YPEL1: variants seen among roughly 807,000 people sequenced by gnomAD.
The protein encoded by YPEL1 is protein yippee-like 1.
A neutral mutation model predicts 17.3 loss-of-function variants in YPEL1; 7 were observed. The observed-to-expected ratio is 0.40, with a 90% CI of 0.23 to 0.76. The LOEUF (loss-of-function observed/expected upper bound fraction) is 0.76. Among genes scored for constraint, YPEL1 ranks in the 30% least tolerant of loss-of-function variants. The pLI is 0.35. For missense variants in YPEL1, 91 were observed against 155.5 expected (o/e 0.59, Z 2.21); for synonymous variants, 59 against 59.6 (o/e 0.99, Z 0.05).
chr22:21,713,935 G>A (rs937423975), intron 1 of YPEL1, among the ~76,000 whole-genome samples: 1 of 152,130 alleles, frequency 6.6e-6, no homozygotes, highest in Non-Finnish European at 1.5e-5. Context: ...TTTCTTTCAG[G>A]CCAAACAGAA....
At chr22:21,715,905 G>C (rs1601633394) in intron 1 of YPEL1, among the ~76,000 whole-genome samples, 1 of 152,104 alleles carries the variant, frequency 6.6e-6, no homozygotes, top group Non-Finnish European at 1.5e-5. Context: ...TGGGATTACA[G>C]GCATGCGCCA....
At chr22:21,706,755 G>A (rs1340256080) in intron 2 of YPEL1, among the ~76,000 whole-genome samples, 1 of 152,128 alleles carries the variant, frequency 6.6e-6, no homozygotes, top group East Asian at 1.9e-4. Context: ...GCTGAGGCAG[G>A]AGAATCGCTT....
At chr22:21,732,444 A>G (rs2068397020) in intron 1 of YPEL1, among the ~76,000 whole-genome samples, 1 of 152,184 alleles carries the variant, frequency 6.6e-6, no homozygotes, top group South Asian at 2.1e-4. Flanking sequence ...TTCATATTCA[A>G]AACAATTTTG....
intron 1 of YPEL1, among the ~76,000 whole-genome samples, chr22:21,724,814 G>A (rs114420948): frequency 0.01 from 1,547 of 151,868 alleles, 32 homozygotes; most frequent in African/African-American, 0.036. Context: ...CTCCTGGCTC[G>A]GGCCATCCAC....
At chr22:21,704,661 A>G (rs1335909341) in intron 2 of YPEL1, among the ~76,000 whole-genome samples, 28 of 149,822 alleles carry the variant, frequency 1.9e-4, no homozygotes, top group Middle Eastern at 3.5e-3. Flanking sequence ...CCGTCTCGAA[A>G]AAAAAAAAAA....
chr22:21,729,294 G>A lies in YPEL1; in HGVS notation c.-165+6321C>T, dbSNP rs143735077. 1.3e-3 allele frequency among the ~76,000 whole-genome samples: 193 copies of A among 152,058 alleles called. 1 individual carries two copies. Among genetic ancestry groups the A allele is most frequent in the Admixed American group, 3.0e-3 (46 of 15,234 alleles). ...CCACTGCACTCCAGCATTGGTGACA[G>A]AGTACGATCTTATCTCAAAAAAAAA... On this transcript the variant is annotated intron_variant, in intron 1 of 4. Coordinates refer to ENST00000339468, the MANE Select transcript of YPEL1 (RefSeq NM_013313.5).
chr22:21,735,343 G>A (rs1183775303), intron 1 of YPEL1, among the ~76,000 whole-genome samples: 2 of 152,280 alleles, frequency 1.3e-5, no homozygotes, highest in East Asian at 3.9e-4. Context: ...TCACGGCGGG[G>A]CGGGAGAAGA....
intron 4 of YPEL1, among the ~76,000 whole-genome samples, chr22:21,701,893 CA>C (rs1018964670): frequency 6.6e-6 from 1 of 152,052 alleles, no homozygotes; most frequent in Admixed American, 6.6e-5. Flanking sequence ...TTTTCTTCTA[CA>C]AAAATCAAAA....
chr22:21,709,223 G>A (rs966857385), intron 2 of YPEL1, among the ~76,000 whole-genome samples: 14 of 152,078 alleles, frequency 9.2e-5, no homozygotes, highest in Admixed American at 4.6e-4. Flanking sequence ...GAGCAGCTCC[G>A]CCTCTCATTA....
In YPEL1 at chr22:21,720,424, C is replaced by T. The variant is rs369346301; in HGVS notation, c.-164-9516G>A. On this transcript the variant is annotated intron_variant, in intron 1 of 4. Coordinates refer to ENST00000339468, the MANE Select transcript of YPEL1 (RefSeq NM_013313.5). ...CTTTGTTACCCAAGCTGGTCTCAAACGCCTGGGTTCAAGTGATCTAACCGC... is the reference window on the plus strand; with the variant it reads ...CTTTGTTACCCAAGCTGGTCTCAAATGCCTGGGTTCAAGTGATCTAACCGC... Among the ~76,000 whole-genome samples the T allele has an allele frequency of 1.3e-4, 20 of 152,086 alleles. No homozygotes were observed. In the East Asian group the frequency reaches 2.1e-3, roughly 16 times the overall value.
At chr22:21,721,469 G>C (rs2068283052) in intron 1 of YPEL1, among the ~76,000 whole-genome samples, 1 of 151,030 alleles carries the variant, frequency 6.6e-6, no homozygotes, top group Admixed American at 6.6e-5. Flanking sequence ...TGTCACTCAG[G>C]CTGGAGTACA....
chr22:21,725,220 A>T (rs60882578), intron 1 of YPEL1, among the ~76,000 whole-genome samples: 3,870 of 126,288 alleles, frequency 0.031, 156 homozygotes, highest in African/African-American at 0.11. Context: ...TAAAATGGTA[A>T]TTTTTTTTTT....
Position 21,703,999 on chromosome 22 carries a change from G to C in YPEL1, c.118-117C>G, listed in dbSNP as rs770236365. The C allele has an allele frequency of 1.8e-6, 2 of 1,133,000 alleles. No homozygotes were observed. Among genetic ancestry groups the C allele is most frequent in the African/African-American group, 3.1e-5 (2 of 64,866 alleles). 70.2% of individuals were successfully genotyped at this position (1,133,000 alleles called of 1,614,324 possible). A position where few individuals can be genotyped will look rare whatever the true frequency, so the allele number is the denominator to read the frequency against. On this transcript the variant is annotated intron_variant, in intron 2 of 4. Coordinates refer to ENST00000339468, the MANE Select transcript of YPEL1 (RefSeq NM_013313.5). The surrounding 1 kb of genome is among the most constrained non-coding windows in gnomAD (Gnocchi z 6.1). ...GTTAGCTGCGCCGGGACGCGTCACC[G>C]GGAGCAGACACCGGCGTCCCCCCTC...
intron 1 of YPEL1, among the ~76,000 whole-genome samples, chr22:21,731,908 G>T (rs2068390849): frequency 6.6e-6 from 1 of 152,196 alleles, no homozygotes; most frequent in African/African-American, 2.4e-5. Context: ...TCTGACCAGG[G>T]CCTTACGGCA....
chr22:21,717,344 C>G (rs1183117969), intron 1 of YPEL1, among the ~76,000 whole-genome samples: 1 of 149,074 alleles, frequency 6.7e-6, no homozygotes, highest in African/African-American at 2.5e-5. Flanking sequence ...CCACTGCACT[C>G]CAGCCTTGGG....
At position 21,700,963 on chromosome 22, in the gene YPEL1, AG is replaced by A; in HGVS notation, c.*165del. On this transcript the variant is annotated 3_prime_UTR_variant, in exon 5 of 5. Coordinates refer to ENST00000339468, the MANE Select transcript of YPEL1 (RefSeq NM_013313.5). Reference sequence around the variant, plus strand: ...TGTGTACACGAAGAGGACAGATCCGAGGGACACCTTACCCACAGAGATGGCC... The same window carrying A: ...TGTGTACACGAAGAGGACAGATCCGAGGACACCTTACCCACAGAGATGGCC... 1.7e-6 allele frequency: 1 copy of A among 579,724 alleles called. No homozygotes were observed. The highest frequency in any genetic ancestry group is 3.1e-6 in the Non-Finnish European group (1 of 323,976). 35.9% of individuals were successfully genotyped at this position (579,724 alleles called of 1,614,324 possible).
chr22:21,708,727 C>T (rs1339356088), intron 2 of YPEL1, among the ~76,000 whole-genome samples: 2 of 143,158 alleles, frequency 1.4e-5, no homozygotes, highest in African/African-American at 5.2e-5. Flanking sequence ...AGTGCAATGG[C>T]GCGATCTCGA....
chr22:21,719,293 G>T (rs1489040945), intron 1 of YPEL1, among the ~76,000 whole-genome samples: 1 of 152,168 alleles, frequency 6.6e-6, no homozygotes, highest in African/African-American at 2.4e-5. Flanking sequence ...ACCAGTTCAT[G>T]GAAGGAAGCG....
rs942282815 is a variant in YPEL1, at chr22:21,703,712, G to GT, written c.161+126_161+127insA. The GT allele has an allele frequency of 9.0e-6, 10 of 1,108,380 alleles. No individual in the cohort carries two copies. Among genetic ancestry groups the GT allele is most frequent in the Middle Eastern group, 4.5e-4 (2 of 4,422 alleles). The allele number at this position is 1,108,380 out of a possible 1,614,324, so 68.7% of individuals were successfully genotyped here. ...TTAGCGCGTTTCAGAAACTCCCGGC[G>GT]GGGGGATGGTGGGTTCTTTCAGGAC... On this transcript the variant is annotated intron_variant, in intron 3 of 4. Coordinates refer to ENST00000339468, the MANE Select transcript of YPEL1 (RefSeq NM_013313.5). The surrounding 1 kb of genome is among the most constrained non-coding windows in gnomAD (Gnocchi z 6.1).
Sources: gnomAD v4.1 joint callset for allele counts (sites outside exome capture counted in the v4.1 genomes callset) on GRCh38, gnomAD v4.1.1 for gene constraint, Gnocchi (gnomAD v3.1) non-coding constraint, MANE v1.5 for transcripts, NCBI Gene and HGNC (gene_info 2026-07-23, HGNC 2026-07-21) for gene names.